Variants in HSPA12A observed in about 807,000 individuals in gnomAD.
HSPA12A encodes the protein heat shock protein family A (Hsp70) member 12A.
In HSPA12A, 28 loss-of-function variants were observed where a neutral mutation model predicts 69.2. The ratio of observed to expected loss-of-function variants is 0.40; its 90% CI spans 0.30 to 0.55. The LOEUF is 0.55. Ranked by LOEUF, HSPA12A falls within the 20% of genes least tolerant of loss-of-function variation. HSPA12A has a pLI of 0.38. For missense variants in HSPA12A, 686 were observed against 900.7 expected (o/e 0.76, Z 3.05); for synonymous variants, 345 against 370.5 (o/e 0.93, Z 0.79).
chr10:116,735,861 G>A (rs2133057137), intron 1 of HSPA12A, among the ~76,000 whole-genome samples: 1 of 151,302 alleles, frequency 6.6e-6, no homozygotes. Context: ...GCCAGGCATG[G>A]AGATGTGCAC....
chr10:116,827,470 G>A (rs1447751592), intron 2 of HSPA12A: 2 of 152,242 alleles, frequency 1.3e-5, no homozygotes, highest in East Asian at 3.9e-4. Flanking sequence ...CACTTTGGAG[G>A]TGTCGGTGCT....
intron 5 of HSPA12A, among the ~76,000 whole-genome samples, chr10:116,692,814 C>T (rs1849774497): frequency 6.6e-6 from 1 of 152,140 alleles, no homozygotes; most frequent in African/African-American, 2.4e-5. Context: ...CAAGCTCCAA[C>T]GATTGTTGAG....
rs566767465 is a variant in HSPA12A, at chr10:116,742,546, G to A, written c.-77C>T. 5.1e-6 allele frequency: 6 copies of A among 1,176,066 alleles called. No individual in the cohort carries two copies. The highest frequency in any genetic ancestry group is 3.5e-4 in the Middle Eastern group (1 of 2,868). The allele number at this position is 1,176,066 out of a possible 1,614,324, so 72.9% of individuals were successfully genotyped here. On this transcript the variant is annotated 5_prime_UTR_variant, in exon 1 of 12. Coordinates refer to ENST00000369209, the MANE Select transcript of HSPA12A (RefSeq NM_025015.3). ...CGTGCGGGTCTCTGTCCGCGTCCGC[G>A]GCGGCGCTCGGGCCGTGTCTGAGCC... is the stretch of plus-strand genomic sequence containing the variant.
At chr10:116,788,099 T>C (rs1231108910) in intron 2 of HSPA12A, among the ~76,000 whole-genome samples, 11 of 152,204 alleles carry the variant, frequency 7.2e-5, no homozygotes. Context: ...GAAAAATATC[T>C]GTGTCACAGC....
Position 116,693,624 on chromosome 10 carries a change from G to A in HSPA12A, c.547-1157C>T, listed in dbSNP as rs116602612. ...TCTGGAGAGACAAGAAAGATTAATA[G>A]ACTGATGAAAAAACAAACAAACAAA... On this transcript the variant is annotated intron_variant, in intron 5 of 11. Coordinates refer to ENST00000369209, the MANE Select transcript of HSPA12A (RefSeq NM_025015.3). Among the ~76,000 whole-genome samples, 979 of 152,264 alleles carry A rather than the reference G, an allele frequency of 6.4e-3. 16 individuals are homozygous for A. The highest frequency in any genetic ancestry group is 0.021 in the African/African-American group (886 of 41,562).
chr10:116,751,854 C>T (rs1156366291), intron 2 of HSPA12A, among the ~76,000 whole-genome samples: 2 of 152,154 alleles, frequency 1.3e-5, no homozygotes, highest in Non-Finnish European at 2.9e-5. Flanking sequence ...CTGCTCTCTC[C>T]TGCTCTTGGT....
rs570327215 is a variant in HSPA12A, at chr10:116,687,865, G to A, written c.664-3903C>T. On this transcript the variant is annotated intron_variant, in intron 6 of 11. Transcript: ENST00000369209. ...CCCTGCCAAGCACTTAACATATTCC[G>A]TCTCCAGTCCTATACGCCAAGCTTG... Among the ~76,000 whole-genome samples the A allele has an allele frequency of 5.3e-5, 8 of 152,340 alleles. No homozygotes were observed. The East Asian group carries it at 1.2e-3, about 22-fold the overall frequency.
chr10:116,742,373 G>A, intron 1 of HSPA12A, 57 bp downstream of exon 1: 1 of 1,413,460 alleles, frequency 7.1e-7, no homozygotes, highest in Admixed American at 2.7e-5. Context: ...GGCCAAGCGC[G>A]CCTCCTCCCT....
At chr10:116,700,922 C>T in intron 4 of HSPA12A, 21 bp downstream of exon 4, 1 of 1,610,042 alleles carries the variant, frequency 6.2e-7, no homozygotes. Flanking sequence ...GGACCTGGGC[C>T]CAGGGGAGAG....
At chr10:116,831,030 GA>G (rs936242050) in intron 2 of HSPA12A, 3 of 152,396 alleles carry the variant, frequency 2.0e-5, no homozygotes, top group Admixed American at 2.0e-4. Context: ...ACACAATGAT[GA>G]AATTGCCTAA....
chr10:116,682,853 A>G (rs764713323), intron 7 of HSPA12A, among the ~76,000 whole-genome samples: 9 of 139,778 alleles, frequency 6.4e-5, no homozygotes, highest in Non-Finnish European at 1.2e-4. Flanking sequence ...GGCACCCGCC[A>G]CCTCGCCCGG....
intron 1 of HSPA12A, among the ~76,000 whole-genome samples, chr10:116,838,286 C>T (rs1337447776): frequency 2.0e-5 from 3 of 152,008 alleles, no homozygotes; most frequent in East Asian, 1.9e-4. Context: ...TGGGAGGGCC[C>T]GGGAGGTGGC....
intron 1 of HSPA12A, among the ~76,000 whole-genome samples, chr10:116,738,254 G>A (rs974243632): frequency 5.3e-5 from 8 of 152,138 alleles, no homozygotes; most frequent in Non-Finnish European, 1.2e-4. Flanking sequence ...ACATTTCCAG[G>A]AGCACCACTG....
intron 4 of HSPA12A, 61 bp from the exon 5 acceptor site, chr10:116,698,800 T>C (rs1712190199): frequency 3.0e-6 from 4 of 1,331,478 alleles, no homozygotes; most frequent in Non-Finnish European, 4.3e-6. Flanking sequence ...GTCTCCTGGC[T>C]TTGGGGACTG....
intron 2 of HSPA12A, among the ~76,000 whole-genome samples, chr10:116,810,443 C>A (rs1383680406): frequency 6.6e-6 from 1 of 152,162 alleles, no homozygotes; most frequent in Non-Finnish European, 1.5e-5. Context: ...TACCACCTCC[C>A]CTGCCCTTTT....
chr10:116,784,309 C>T (rs1283865242), intron 2 of HSPA12A, among the ~76,000 whole-genome samples: 3 of 152,256 alleles, frequency 2.0e-5, no homozygotes, highest in African/African-American at 4.8e-5. Flanking sequence ...ACCTAGGTGG[C>T]CCCTTGCCCT....
chr10:116,822,402 T>C (rs1845422773), intron 2 of HSPA12A, among the ~76,000 whole-genome samples: 1 of 152,224 alleles, frequency 6.6e-6, no homozygotes, highest in African/African-American at 2.4e-5. Flanking sequence ...TTGTGGCTTA[T>C]GAACATACAG....
intron 6 of HSPA12A, among the ~76,000 whole-genome samples, chr10:116,688,116 C>T (rs377332399): frequency 9.9e-5 from 15 of 152,176 alleles, no homozygotes; most frequent in East Asian, 7.7e-4. Flanking sequence ...CTGTTATTAA[C>T]GGTGCAGACA....
intron 2 of HSPA12A, among the ~76,000 whole-genome samples, chr10:116,775,977 G>A (rs1403296682): frequency 6.6e-6 from 1 of 152,186 alleles, no homozygotes; most frequent in Non-Finnish European, 1.5e-5. Context: ...GTGGCCTCAC[G>A]TTGGTGGTGA....
Sources: gnomAD v4.1 joint callset for allele counts (sites outside exome capture counted in the v4.1 genomes callset) on GRCh38, gnomAD v4.1.1 for gene constraint, MANE v1.5 for transcripts, NCBI Gene and HGNC (gene_info 2026-07-23, HGNC 2026-07-21) for gene names.